The following STON1 variants were observed in gnomAD, a reference collection of about 807,000 sequenced individuals.
STON1 encodes the protein stonin-1.
STON1 carries 79 observed loss-of-function variants against 60.9 expected under a neutral mutation model. The ratio of observed to expected loss-of-function variants is 1.30; its 90% confidence interval spans 1.08 to 1.56. The LOEUF (loss-of-function observed/expected upper bound fraction) is 1.56. STON1 is among the 40% of genes most tolerant of loss of function. The pLI is 0.00. For missense variants in STON1, 1,166 were observed against 858.9 expected (o/e 1.36, Z -4.47); for synonymous variants, 363 against 306.9 (o/e 1.18, Z -1.91).
intron 1 of STON1, among the ~76,000 whole-genome samples, chr2:48,564,581 C>CCTTCTCCTT (rs1480942550): frequency 6.4e-5 from 3 of 46,968 alleles, no homozygotes; most frequent in African/African-American, 2.2e-4. Flanking sequence ...TTCTCCTTCT[C>CCTTCTCCTT]CTCCTCCTCC....
intron 1 of STON1, among the ~76,000 whole-genome samples, chr2:48,565,045 C>CTTTT (rs35791710): frequency 2.0e-3 from 175 of 86,406 alleles, no homozygotes; most frequent in Non-Finnish European, 2.9e-3. Context: ...CCGGCTTCTT[C>CTTTT]TTTTTTTTTT....
chr2:48,575,767 T>TTG lies in STON1; in HGVS notation c.-47-4819_-47-4818insGT, dbSNP rs1478202810. On this transcript the variant is annotated intron_variant, in intron 1 of 3. Transcript: ENST00000404752. ...ATTTTTAGTTTTTGTTTGTTTTTTTTTTTTTTTTGAGATGCAGTTTTGCTC... is the reference window on the plus strand; with the variant it reads ...ATTTTTAGTTTTTGTTTGTTTTTTTTTGTTTTTTTTGAGATGCAGTTTTGCTC... Among the ~76,000 whole-genome samples the TTG allele has an allele frequency of 4.1e-5, 6 of 147,442 alleles. 1 individual carries two copies. The East Asian group carries it at 1.2e-3, about 29-fold the overall frequency.
At chr2:48,544,763 T>A (rs1430259959) in intron 1 of STON1, among the ~76,000 whole-genome samples, 1 of 152,172 alleles carries the variant, frequency 6.6e-6, no homozygotes, top group Non-Finnish European at 1.5e-5. Flanking sequence ...GCCAGGCTTG[T>A]CTTGAACTCC....
rs56237332 is a variant in STON1 at position 48,557,433 on chromosome 2, C to T, written c.-47-23154C>T. Among the ~76,000 whole-genome samples, 8 of 89,792 alleles carry T rather than the reference C, an allele frequency of 8.9e-5. 2 individuals carry two copies. The highest frequency in any genetic ancestry group is 1.9e-4 in the Non-Finnish European group (7 of 37,174). 58.9% of individuals were successfully genotyped at this position (89,792 alleles called of 152,430 possible). ...AGATGTGATGGCGGCCGGGCAGAGA[C>T]GCTCCTCACTTTCCAGACTGGGCAG... On this transcript the variant is annotated intron_variant, in intron 1 of 3. Transcript: ENST00000404752.
chr2:48,591,606 C>A, intron 2 of STON1, 47 bp from the exon 3 acceptor site: 1 of 1,599,630 alleles, frequency 6.3e-7, no homozygotes, highest in Non-Finnish European at 8.5e-7. Context: ...GAGAAATGTT[C>A]AATGGCCATT....
At chr2:48,554,720 T>TA (rs1445957943) in intron 1 of STON1, among the ~76,000 whole-genome samples, 1 of 54,254 alleles carries the variant, frequency 1.8e-5, no homozygotes, top group Non-Finnish European at 4.0e-5. Flanking sequence ...TTTTTTTTTT[T>TA]TTTTTATTTA....
At chr2:48,563,827 G>A (rs1672711977) in intron 1 of STON1, among the ~76,000 whole-genome samples, 1 of 151,982 alleles carries the variant, frequency 6.6e-6, no homozygotes, top group South Asian at 2.1e-4. Context: ...CTAAGTAGCT[G>A]GGACTACAGC....
At chr2:48,568,571 A>G (rs937109865) in intron 1 of STON1, among the ~76,000 whole-genome samples, 8 of 152,124 alleles carry the variant, frequency 5.3e-5, no homozygotes, top group African/African-American at 1.9e-4. Flanking sequence ...GAATACTGGA[A>G]TCGCCACTAA....
intron 3 of STON1, among the ~76,000 whole-genome samples, chr2:48,592,722 A>C (rs1164989938): frequency 6.6e-6 from 1 of 151,880 alleles, no homozygotes; most frequent in African/African-American, 2.4e-5. Context: ...CGGCCTCCCC[A>C]AGTGCTGGGA....
At chr2:48,590,268 G>T (rs1398903375) in intron 2 of STON1, among the ~76,000 whole-genome samples, 1 of 152,206 alleles carries the variant, frequency 6.6e-6, no homozygotes, top group South Asian at 2.1e-4. Flanking sequence ...GATGGCTAAT[G>T]AGCATCTGTT....
chr2:48,564,490 TTCTTCTTCTTCTTC>T (rs1672798110), intron 1 of STON1, among the ~76,000 whole-genome samples: 3 of 21,544 alleles, frequency 1.4e-4, no homozygotes, highest in Admixed American at 4.8e-4. Flanking sequence ...TTTCTTCTTC[TTCTTCTTCTTCTTC>T]TTCTTCTTCT....
intron 1 of STON1, among the ~76,000 whole-genome samples, chr2:48,537,471 T>C (rs1480851393): frequency 1.3e-5 from 2 of 152,214 alleles, no homozygotes; most frequent in Admixed American, 6.5e-5. Flanking sequence ...AGGTATATTA[T>C]TCTGTAGGGT....
intron 3 of STON1, 57 bp from the exon 4 acceptor site, chr2:48,595,171 G>A: frequency 3.0e-6 from 4 of 1,323,822 alleles, no homozygotes; most frequent in Non-Finnish European, 4.3e-6. Flanking sequence ...GACTGAAGAG[G>A]TGTGAGTGCT....
intron 1 of STON1, among the ~76,000 whole-genome samples, chr2:48,545,796 A>G (rs1013219722): frequency 2.6e-5 from 4 of 152,178 alleles, no homozygotes; most frequent in African/African-American, 9.6e-5. Context: ...TTTGTGATGT[A>G]TGTGGCTCAG....
intron 1 of STON1, among the ~76,000 whole-genome samples, chr2:48,549,694 C>T (rs1486052585): frequency 1.2e-4 from 18 of 151,496 alleles, no homozygotes. Flanking sequence ...CTCCTGTAAT[C>T]CCAGCTACTT....
chr2:48,567,014 TA>T (rs916968923), intron 1 of STON1, among the ~76,000 whole-genome samples: 36 of 145,048 alleles, frequency 2.5e-4, no homozygotes, highest in African/African-American at 3.0e-4. Flanking sequence ...TAGAACAAGG[TA>T]AAAAAAAAAA....
intron 1 of STON1, among the ~76,000 whole-genome samples, chr2:48,534,030 A>C (rs1228172606): frequency 1.3e-5 from 2 of 152,094 alleles, no homozygotes; most frequent in African/African-American, 4.8e-5. Context: ...CAGCCTCCCA[A>C]AGTGTCAGGA....
In STON1 at chr2:48,561,219, A is replaced by T. The variant is rs188012436; in HGVS notation, c.-47-19368A>T. On this transcript the variant is annotated intron_variant, in intron 1 of 3. Coordinates refer to ENST00000404752, the MANE Select transcript of STON1 (RefSeq NM_006873.4). ...CATACCTCAGACCTGACCAATGTGC[A>T]TAAAACCAGCTCCCTGTCCTGTCTC... is the stretch of plus-strand genomic sequence containing the variant. 7.2e-5 allele frequency among the ~76,000 whole-genome samples: 11 copies of T among 152,346 alleles called. No individual in the cohort carries two copies. The East Asian group carries it at 2.1e-3, about 29-fold the overall frequency.
At chr2:48,553,044 C>A (rs1389154841) in intron 1 of STON1, among the ~76,000 whole-genome samples, 1 of 152,074 alleles carries the variant, frequency 6.6e-6, no homozygotes, top group Non-Finnish European at 1.5e-5. Flanking sequence ...AGTAGCTGGG[C>A]TTCTTACATG....
Sources: gnomAD v4.1 joint callset for allele counts (sites outside exome capture counted in the v4.1 genomes callset) on GRCh38, gnomAD v4.1.1 for gene constraint, MANE v1.5 for transcripts, NCBI Gene and HGNC (gene_info 2026-07-23, HGNC 2026-07-21) for gene names.